The following METTL25 variants were observed in gnomAD, a reference collection of about 807,000 sequenced individuals.
METTL25 encodes the protein probable methyltransferase-like protein 25.
METTL25 carries 64 observed loss-of-function variants against 71.6 expected under a neutral mutation model. That is an observed-to-expected ratio of 0.89 (90% confidence interval 0.73 to 1.10). METTL25 has a LOEUF of 1.10. Among genes scored for constraint, METTL25 ranks in the 50% least tolerant of loss-of-function variants. The pLI, the probability that METTL25 is intolerant of heterozygous loss-of-function variation, is 0.00. For synonymous variants in METTL25, 287 were observed against 250.3 expected (o/e 1.15, Z -1.38); for missense variants, 807 against 707.0 (o/e 1.14, Z -1.60).
intron 1 of METTL25, chr12:82,369,366 G>A (rs542059398): frequency 4.7e-5 from 18 of 383,448 alleles, no homozygotes; most frequent in Admixed American, 1.9e-4. Flanking sequence ...TTTTGTGTCC[G>A]GAATTGTTTG....
intron 1 of METTL25, among the ~76,000 whole-genome samples, chr12:82,379,024 C>T (rs995622367): frequency 6.6e-6 from 1 of 151,938 alleles, no homozygotes. Context: ...AGAGTGAGAC[C>T]TTTTCTCAAA....
intron 4 of METTL25, among the ~76,000 whole-genome samples, chr12:82,400,090 A>C (rs1279550179): frequency 1.3e-5 from 2 of 152,040 alleles, no homozygotes; most frequent in African/African-American, 4.8e-5. Flanking sequence ...TTGGGAGGCC[A>C]AGGCAGGTGG....
intron 9 of METTL25, among the ~76,000 whole-genome samples, chr12:82,464,838 T>A (rs1565885483): frequency 6.6e-6 from 1 of 151,796 alleles, no homozygotes; most frequent in Non-Finnish European, 1.5e-5. Flanking sequence ...TTCGTTAAAT[T>A]TATTCGTATA....
chr12:82,466,407 T>A (rs947664382), intron 9 of METTL25, among the ~76,000 whole-genome samples: 1 of 151,938 alleles, frequency 6.6e-6, no homozygotes, highest in African/African-American at 2.4e-5. Context: ...AGGTTTGAAT[T>A]TTCCTCTTGT....
chr12:82,399,452 A>G lies in METTL25; in HGVS notation c.1131+58A>G, dbSNP rs1039296219. On this transcript the variant is annotated intron_variant, in intron 4 of 11. Transcript: ENST00000248306. ...TACAAAAACATTGTATTCAATTTTA[A>G]TAGTAGCTTACTTAACATACATATC... 9 of 1,300,120 alleles carry G rather than the reference A, an allele frequency of 6.9e-6. No individual in the cohort carries two copies. The African/African-American group carries it at 1.2e-4, about 17-fold the overall frequency. The allele number at this position is 1,300,120 out of a possible 1,614,324, so 80.5% of individuals were successfully genotyped here.
intron 3 of METTL25, among the ~76,000 whole-genome samples, chr12:82,397,986 T>C (rs561005269): frequency 6.6e-6 from 1 of 152,192 alleles, no homozygotes; most frequent in Non-Finnish European, 1.5e-5. Flanking sequence ...AATCATAATA[T>C]CTACTTATCA....
At chr12:82,475,095 A>G (rs1892807383) in intron 9 of METTL25, among the ~76,000 whole-genome samples, 1 of 152,206 alleles carries the variant, frequency 6.6e-6, no homozygotes, top group African/African-American at 2.4e-5. Context: ...AAAAAAGAAA[A>G]TGGAGCACCC....
intron 9 of METTL25, chr12:82,476,346 C>T: frequency 3.8e-6 from 1 of 261,592 alleles, no homozygotes; most frequent in South Asian, 6.5e-5. Context: ...CCTGTGTGTC[C>T]AAAGCATAAT....
At chr12:82,462,297 A>G (rs1891934631) in intron 9 of METTL25, among the ~76,000 whole-genome samples, 1 of 152,216 alleles carries the variant, frequency 6.6e-6, no homozygotes, top group Non-Finnish European at 1.5e-5. Context: ...ATAGACTGCT[A>G]GAACTTAATT....
intron 9 of METTL25, among the ~76,000 whole-genome samples, chr12:82,471,189 G>A (rs1008826678): frequency 1.3e-5 from 2 of 152,164 alleles, no homozygotes; most frequent in Non-Finnish European, 2.9e-5. Context: ...TTAAATTGAT[G>A]CAACATGCAT....
At chr12:82,465,978 A>C (rs146141990) in intron 9 of METTL25, among the ~76,000 whole-genome samples, 2 of 103,894 alleles carry the variant, frequency 1.9e-5, no homozygotes, top group Non-Finnish European at 3.8e-5. Flanking sequence ...TCTTTATTTG[A>C]TTCTTCTTGC....
intron 8 of METTL25, among the ~76,000 whole-genome samples, chr12:82,444,839 T>C (rs188492025): frequency 7.2e-5 from 11 of 152,158 alleles, no homozygotes; most frequent in Admixed American, 3.9e-4. Context: ...TCACTGCACC[T>C]GTAAGGACAA....
At chr12:82,367,079 T>A (rs1348212123) in intron 1 of METTL25, among the ~76,000 whole-genome samples, 1 of 152,218 alleles carries the variant, frequency 6.6e-6, no homozygotes, top group African/African-American at 2.4e-5. Flanking sequence ...ATTTGTTTTC[T>A]AATTTTTAAT....
intron 9 of METTL25, among the ~76,000 whole-genome samples, chr12:82,460,218 C>A (rs1891770051): frequency 1.3e-5 from 2 of 152,224 alleles, no homozygotes; most frequent in East Asian, 1.9e-4. Context: ...CTTGTCTAGA[C>A]CCCCCTTATA....
At position 82,404,332 on chromosome 12, in the gene METTL25, A is replaced by T. The variant is rs544971739; in HGVS notation, c.1279+1202A>T. 1.7e-4 allele frequency among the ~76,000 whole-genome samples: 26 copies of T among 152,236 alleles called. 1 individual carries two copies. In the South Asian group the frequency reaches 3.9e-3, roughly 23 times the overall value. The stretch of plus-strand genomic sequence containing the variant: ...TTTTTTTCTAAGTACAGAAATTTTC[A>T]AGACCAAAAATTAGGGTAAAAAATG... On this transcript the variant is annotated intron_variant, in intron 5 of 11. Transcript: ENST00000248306.
At chr12:82,409,530 T>A (rs1240404303) in intron 5 of METTL25, among the ~76,000 whole-genome samples, 1 of 150,702 alleles carries the variant, frequency 6.6e-6, no homozygotes, top group African/African-American at 2.5e-5. Context: ...GATCCACACA[T>A]TTTTTCTTCT....
At position 82,477,275 on chromosome 12, in the gene METTL25, T is replaced by C. The variant is rs758865528; in HGVS notation, c.1648-6T>C. 1 of 1,492,206 alleles carries C rather than the reference T, an allele frequency of 6.7e-7. No individual in the cohort carries two copies. The allele number at this position is 1,492,206 out of a possible 1,614,324, so 92.4% of individuals were successfully genotyped here. A position where few individuals can be genotyped will look rare whatever the true frequency, so the allele number is the denominator to read the frequency against. On this transcript the variant is annotated splice_polypyrimidine_tract_variant and splice_region_variant and intron_variant, in intron 10 of 11. Coordinates refer to ENST00000248306, the MANE Select transcript of METTL25 (RefSeq NM_032230.3). ...CCAACCTACCTATCTAATTTTTTTA[T>C]TTTAGTTGAAAGTTGTACTGGCTCC...
chr12:82,368,363 CACACACAT>C (rs755069252), intron 1 of METTL25, among the ~76,000 whole-genome samples: 2 of 152,140 alleles, frequency 1.3e-5, no homozygotes, highest in African/African-American at 2.4e-5. Flanking sequence ...TCAGATTTAA[CACACACAT>C]ACACACAGAC....
chr12:82,405,081 C>T (rs113625269), intron 5 of METTL25, among the ~76,000 whole-genome samples: 22 of 152,316 alleles, frequency 1.4e-4, no homozygotes, highest in African/African-American at 4.6e-4. Context: ...GGGCCTCCCT[C>T]TCCTCTTCAC....
Sources: allele counts gnomAD v4.1 joint callset (sites outside exome capture counted in the v4.1 genomes callset), GRCh38; gene constraint gnomAD v4.1.1; transcripts MANE v1.5; gene names NCBI Gene and HGNC (gene_info 2026-07-23, HGNC 2026-07-21).